PRKG2: variants seen among roughly 807,000 people sequenced by gnomAD.
PRKG2 encodes the protein protein kinase cGMP-dependent 2.
A neutral mutation model predicts 97.2 loss-of-function variants in PRKG2; 33 were observed. The observed-to-expected ratio is 0.34, with a 90% CI of 0.26 to 0.45. The LOEUF (loss-of-function observed/expected upper bound fraction) is 0.45, where lower values mean the gene tolerates loss of function less well. Among genes scored for constraint, PRKG2 ranks in the 20% least tolerant of loss-of-function variants. The probability of loss-of-function intolerance (pLI) is 1.00; values close to 1 mark genes in which losing one functional copy is unlikely to be tolerated. For missense variants in PRKG2, 638 were observed against 900.0 expected, an observed-to-expected ratio of 0.71 and a Z score of 3.73; for synonymous variants, 330 against 321.8, an observed-to-expected ratio of 1.03 and a Z score of -0.27.
At chr4:81,205,493 C>T (rs781095108) in intron 1 of PRKG2, among the ~76,000 whole-genome samples, 2 of 152,186 alleles carry the variant, frequency 1.3e-5, no homozygotes, top group Non-Finnish European at 2.9e-5. Context: ...GCTCCCCATG[C>T]GGCAACAGTA....
chr4:81,156,758 A>C lies in PRKG2; in HGVS notation c.913-3037T>G, dbSNP rs1265808262. On this transcript the variant is annotated intron_variant, in intron 6 of 18. Coordinates refer to ENST00000264399, the MANE Select transcript of PRKG2 (RefSeq NM_006259.3). ...TCAGACCACAGTGCAATCAAACTAG[A>C]ACTCAGGATTAAGAATCTCACTCAA... Among the ~76,000 whole-genome samples, 4 of 152,330 alleles carry C rather than the reference A, an allele frequency of 2.6e-5. No individual in the cohort carries two copies. In the East Asian group the frequency reaches 5.8e-4, roughly 22 times the overall value.
intron 14 of PRKG2, among the ~76,000 whole-genome samples, chr4:81,134,716 C>T (rs1044542579): frequency 6.6e-6 from 1 of 152,036 alleles, no homozygotes; most frequent in African/African-American, 2.4e-5. Flanking sequence ...ATCATCACCT[C>T]AAAATATTTC....
At chr4:81,106,879 G>C (rs555604671) in intron 15 of PRKG2, among the ~76,000 whole-genome samples, 3 of 152,312 alleles carry the variant, frequency 2.0e-5, no homozygotes, top group South Asian at 4.1e-4. Flanking sequence ...GAAGTCAGCA[G>C]TAACTCAGAT....
At chr4:81,140,280 T>G (rs944937767) in intron 12 of PRKG2, among the ~76,000 whole-genome samples, 1 of 152,106 alleles carries the variant, frequency 6.6e-6, no homozygotes, top group Non-Finnish European at 1.5e-5. Context: ...AATTGGACAT[T>G]GTAAAATAAC....
chr4:81,153,836 T>C (rs1484965950), intron 6 of PRKG2, 115 bp from the exon 7 acceptor site: 12 of 710,908 alleles, frequency 1.7e-5, no homozygotes, highest in East Asian at 2.8e-5. Flanking sequence ...GGGTGATTTC[T>C]GTATTTCCAT....
intron 6 of PRKG2, among the ~76,000 whole-genome samples, chr4:81,164,018 C>T (rs1749784959): frequency 6.6e-6 from 1 of 152,082 alleles, no homozygotes; most frequent in African/African-American, 2.4e-5. Flanking sequence ...GTTTAGAACA[C>T]CTCAGAAGTT....
intron 1 of PRKG2, among the ~76,000 whole-genome samples, chr4:81,213,313 A>G (rs979382459): frequency 6.6e-6 from 1 of 152,190 alleles, no homozygotes; most frequent in Non-Finnish European, 1.5e-5. Context: ...CATATAGGTA[A>G]TATCTGTGGA....
chr4:81,183,372 C>G (rs997637170), intron 2 of PRKG2, among the ~76,000 whole-genome samples: 5 of 151,918 alleles, frequency 3.3e-5, no homozygotes, highest in Admixed American at 6.6e-5. Flanking sequence ...ATCGCCTCAC[C>G]CAGAAGGACA....
chr4:81,157,301 C>T (rs868031582), intron 6 of PRKG2, among the ~76,000 whole-genome samples: 4 of 152,110 alleles, frequency 2.6e-5, no homozygotes, highest in African/African-American at 7.2e-5. Flanking sequence ...ACTACAAACA[C>T]CTCTACGCAA....
chr4:81,139,781 C>CAAA (rs548249378), intron 12 of PRKG2, among the ~76,000 whole-genome samples: 14 of 75,322 alleles, frequency 1.9e-4, no homozygotes, highest in South Asian at 4.5e-4. Flanking sequence ...TCTCAAAAGA[C>CAAA]AAAAAAAAAA....
chr4:81,151,612 G>A (rs1748410413), intron 8 of PRKG2, among the ~76,000 whole-genome samples: 1 of 152,026 alleles, frequency 6.6e-6, no homozygotes, highest in South Asian at 2.1e-4. Flanking sequence ...TTAAAAAGGT[G>A]AAAACTCTAA....
chr4:81,151,464 T>C (rs1748393290), intron 8 of PRKG2, among the ~76,000 whole-genome samples: 1 of 152,070 alleles, frequency 6.6e-6, no homozygotes, highest in Admixed American at 6.6e-5. Flanking sequence ...AGACTGAAGG[T>C]TGTGGTAAAA....
chr4:81,150,977 T>C (rs1395096760), intron 8 of PRKG2, among the ~76,000 whole-genome samples: 1 of 152,126 alleles, frequency 6.6e-6, no homozygotes, highest in Non-Finnish European at 1.5e-5. Flanking sequence ...TAGCTAAAAC[T>C]TTATTTTTTT....
At chr4:81,120,721 CATAG>C (rs112181599) in intron 14 of PRKG2, among the ~76,000 whole-genome samples, 3,928 of 152,244 alleles carry the variant, frequency 0.026, 163 homozygotes, top group African/African-American at 0.09. Context: ...AGATTTTCTA[CATAG>C]ATAATCATAT....
At chr4:81,211,551 T>C (rs972813529) in intron 1 of PRKG2, among the ~76,000 whole-genome samples, 2 of 152,206 alleles carry the variant, frequency 1.3e-5, no homozygotes, top group African/African-American at 4.8e-5. Flanking sequence ...TCTCTAGTTA[T>C]GTGGTCAGAT....
intron 14 of PRKG2, among the ~76,000 whole-genome samples, chr4:81,118,538 G>A (rs533969029): frequency 8.5e-5 from 13 of 152,216 alleles, no homozygotes; most frequent in Non-Finnish European, 1.9e-4. Flanking sequence ...TGCAATTCCC[G>A]AAAGACTCAT....
At chr4:81,201,004 A>AC (rs1339161466) in intron 2 of PRKG2, among the ~76,000 whole-genome samples, 5 of 151,994 alleles carry the variant, frequency 3.3e-5, no homozygotes, top group Non-Finnish European at 7.4e-5. Context: ...CATTGTGCCC[A>AC]CCTCAATCTC....
chr4:81,127,625 GCT>G lies in PRKG2; in HGVS notation c.1776+7528_1776+7529del, dbSNP rs376169989. Among the ~76,000 whole-genome samples the G allele has an allele frequency of 4.4e-3, 664 of 152,176 alleles. 4 individuals are homozygous for G. Among genetic ancestry groups the G allele is most frequent in the African/African-American group, 0.015 (624 of 41,518 alleles). On this transcript the variant is annotated intron_variant, in intron 14 of 18. Coordinates refer to ENST00000264399, the MANE Select transcript of PRKG2 (RefSeq NM_006259.3). The stretch of plus-strand genomic sequence containing the variant: ...TGAAAAGGAGTTCACTCATGATTCA[GCT>G]CTCTGTGTATTACTGGTGTATAAGA...
intron 7 of PRKG2, among the ~76,000 whole-genome samples, chr4:81,152,946 C>T (rs919557627): frequency 3.3e-5 from 5 of 152,164 alleles, no homozygotes. Context: ...TGATGGTAAA[C>T]CCTTCCATAT....
Sources: allele counts gnomAD v4.1 joint callset (sites outside exome capture counted in the v4.1 genomes callset), GRCh38; gene constraint gnomAD v4.1.1; transcripts MANE v1.5; gene names NCBI Gene and HGNC (gene_info 2026-07-23, HGNC 2026-07-21).